DOCK4: variants seen among roughly 807,000 people sequenced by gnomAD.
DOCK4 encodes dedicator of cytokinesis 4, also known as dedicator of cytokinesis protein 4.
A neutral mutation model predicts 268.1 loss-of-function variants in DOCK4; 97 were observed. That is an observed-to-expected ratio of 0.36 (90% CI 0.31 to 0.43). DOCK4 has a LOEUF of 0.43. Among genes scored for constraint, DOCK4 ranks in the 20% least tolerant of loss-of-function variants. The pLI is 1.00. For missense variants in DOCK4, 2,145 were observed against 2,455.7 expected (o/e 0.87, Z 2.67); for synonymous variants, 954 against 887.2 (o/e 1.08, Z -1.34).
intron 1 of DOCK4, among the ~76,000 whole-genome samples, chr7:112,067,101 C>T (rs545263236): frequency 4.0e-5 from 6 of 151,734 alleles, no homozygotes; most frequent in Non-Finnish European, 8.8e-5. Flanking sequence ...ATTGCTTCAC[C>T]CAGGGAGGTG....
At chr7:112,007,218 GTCTA>G (rs1298791384) in intron 1 of DOCK4, among the ~76,000 whole-genome samples, 2 of 151,970 alleles carry the variant, frequency 1.3e-5, no homozygotes, top group Non-Finnish European at 2.9e-5. Flanking sequence ...ACAGCACTTC[GTCTA>G]TCTGTGTCTT....
At chr7:111,849,675 C>T (rs1456501779) in intron 23 of DOCK4, among the ~76,000 whole-genome samples, 1 of 152,106 alleles carries the variant, frequency 6.6e-6, no homozygotes, top group Non-Finnish European at 1.5e-5. Context: ...TCTCTGTATG[C>T]CTAGGCAAGC....
chr7:111,945,281 G>A (rs1340708806), intron 9 of DOCK4, among the ~76,000 whole-genome samples: 4 of 152,176 alleles, frequency 2.6e-5, no homozygotes, highest in Admixed American at 2.6e-4. Flanking sequence ...TGCCTCCCAG[G>A]TTCAAGCAAT....
chr7:111,928,868 T>C (rs1182994489), intron 12 of DOCK4, among the ~76,000 whole-genome samples: 1 of 152,138 alleles, frequency 6.6e-6, no homozygotes, highest in Non-Finnish European at 1.5e-5. Context: ...GGATTACAGG[T>C]GGGAGCCACC....
At chr7:111,892,294 G>A (rs1808348958) in intron 16 of DOCK4, among the ~76,000 whole-genome samples, 1 of 152,102 alleles carries the variant, frequency 6.6e-6, no homozygotes, top group African/African-American at 2.4e-5. Context: ...TCCGCCTCCT[G>A]GGTTCAAGCA....
At chr7:111,926,676 T>C (rs760999473) in intron 12 of DOCK4, among the ~76,000 whole-genome samples, 1 of 149,630 alleles carries the variant, frequency 6.7e-6, no homozygotes, top group African/African-American at 2.5e-5. Flanking sequence ...AATAAATAAA[T>C]AAATAAATAA....
At chr7:112,096,923 C>T (rs150819298) in intron 1 of DOCK4, among the ~76,000 whole-genome samples, 36 of 152,182 alleles carry the variant, frequency 2.4e-4, no homozygotes, top group African/African-American at 5.3e-4. Flanking sequence ...TAAAAGGGGC[C>T]GAGCAGCAAG....
At chr7:111,893,982 G>C (rs1808504450) in intron 16 of DOCK4, among the ~76,000 whole-genome samples, 1 of 152,126 alleles carries the variant, frequency 6.6e-6, no homozygotes, top group South Asian at 2.1e-4. Flanking sequence ...CCAGCACTTT[G>C]GGAGGCTGAG....
chr7:112,076,416 T>C (rs1342477924), intron 1 of DOCK4, among the ~76,000 whole-genome samples: 1 of 152,146 alleles, frequency 6.6e-6, no homozygotes, highest in Non-Finnish European at 1.5e-5. Context: ...ATTTTCATAT[T>C]AAATGGATTA....
intron 30 of DOCK4, among the ~76,000 whole-genome samples, chr7:111,798,042 G>T (rs1485674851): frequency 1.3e-5 from 2 of 152,208 alleles, no homozygotes; most frequent in Non-Finnish European, 2.9e-5. Context: ...GAAGGACAAA[G>T]GCTCTAGCAG....
chr7:111,808,732 T>C (rs1800854692), intron 30 of DOCK4, 89 bp downstream of exon 30: 2 of 1,329,794 alleles, frequency 1.5e-6, no homozygotes, highest in Non-Finnish European at 2.1e-6. Context: ...TCACATGGTG[T>C]CACTGGTAAA....
At chr7:112,190,724 C>CA (rs1208751663) in intron 1 of DOCK4, among the ~76,000 whole-genome samples, 1 of 151,710 alleles carries the variant, frequency 6.6e-6, no homozygotes, top group Non-Finnish European at 1.5e-5. Flanking sequence ...ACTACATCAA[C>CA]AAATTTGCTT....
intron 1 of DOCK4, among the ~76,000 whole-genome samples, chr7:112,099,178 A>T (rs556911949): frequency 1.3e-5 from 2 of 151,888 alleles, no homozygotes; most frequent in African/African-American, 2.4e-5. Context: ...TGTAGTCCCA[A>T]CTACTTGGGA....
intron 12 of DOCK4, among the ~76,000 whole-genome samples, chr7:111,927,555 T>G (rs1793822383): frequency 6.6e-6 from 1 of 152,250 alleles, no homozygotes; most frequent in Non-Finnish European, 1.5e-5. Context: ...AATTTTTCAC[T>G]TTAAAGTTTC....
At chr7:112,196,703 T>TA (rs1253685347) in intron 1 of DOCK4, among the ~76,000 whole-genome samples, 1 of 152,150 alleles carries the variant, frequency 6.6e-6, no homozygotes, top group Non-Finnish European at 1.5e-5. Flanking sequence ...GGCCTCTCTG[T>TA]TTAATAAGGG....
intron 1 of DOCK4, among the ~76,000 whole-genome samples, chr7:112,047,265 G>T (rs1016582585): frequency 3.9e-5 from 6 of 152,088 alleles, no homozygotes; most frequent in African/African-American, 1.4e-4. Flanking sequence ...CCAGAAGGAA[G>T]GTTAAGAGTA....
At chr7:111,891,089 A>C (rs1170001790) in intron 16 of DOCK4, among the ~76,000 whole-genome samples, 1 of 152,190 alleles carries the variant, frequency 6.6e-6, no homozygotes, top group Non-Finnish European at 1.5e-5. Context: ...ATTATATGAC[A>C]GAAGAATGGT....
chr7:112,030,977 G>A (rs755750552), intron 1 of DOCK4, among the ~76,000 whole-genome samples: 10 of 152,174 alleles, frequency 6.6e-5, no homozygotes, highest in Admixed American at 2.6e-4. Flanking sequence ...ATGTTCTCTC[G>A]TGATTTGCAG....
chr7:111,876,106 T>C (rs572604798), intron 17 of DOCK4, among the ~76,000 whole-genome samples: 276 of 152,308 alleles, frequency 1.8e-3, no homozygotes, highest in African/African-American at 6.4e-3. Flanking sequence ...TTTATAATCA[T>C]TTATTGAGTT....
Sources: allele counts gnomAD v4.1 joint callset (sites outside exome capture counted in the v4.1 genomes callset), GRCh38; gene constraint gnomAD v4.1.1; transcripts MANE v1.5; gene names NCBI Gene and HGNC (gene_info 2026-07-23, HGNC 2026-07-21).